Variants in RHBDD1 observed in about 807,000 individuals in gnomAD.
RHBDD1 encodes the protein rhomboid domain containing 1, also known as rhomboid-related protein 4.
A neutral mutation model predicts 36.3 loss-of-function variants in RHBDD1; 38 were observed. That is an observed-to-expected ratio of 1.05 (90% confidence interval 0.81 to 1.37). RHBDD1 has a LOEUF of 1.37. Among genes scored for constraint, RHBDD1 ranks in the 40% most tolerant of loss-of-function variants. The pLI, the probability that RHBDD1 is intolerant of heterozygous loss-of-function variation, is 0.00. For missense variants in RHBDD1, 393 were observed against 377.6 expected (o/e 1.04, Z -0.34); for synonymous variants, 151 against 136.5 (o/e 1.11, Z -0.74).
At chr2:226,968,570 T>C (rs1440919243) in intron 8 of RHBDD1, among the ~76,000 whole-genome samples, 1 of 152,220 alleles carries the variant, frequency 6.6e-6, no homozygotes, top group African/African-American at 2.4e-5. Flanking sequence ...GATTAGTGTT[T>C]AATTGAATAA....
chr2:226,972,402 A>AT (rs1234985093), intron 8 of RHBDD1, among the ~76,000 whole-genome samples: 3 of 152,222 alleles, frequency 2.0e-5, no homozygotes, highest in Non-Finnish European at 4.4e-5. Context: ...AGAGACAGGG[A>AT]TTACCTAAAG....
Position 226,935,843 on chromosome 2 carries a change from A to T in RHBDD1, c.856+21492A>T, listed in dbSNP as rs182370819. On this transcript the variant is annotated intron_variant, in intron 8 of 8. Transcript: ENST00000392062. Reference sequence around the variant, plus strand: ...AGCTATATAAAGCAGATCTAACTTGATAAACACATGTATTAGATGGTAGTA... The same window carrying T: ...AGCTATATAAAGCAGATCTAACTTGTTAAACACATGTATTAGATGGTAGTA... Among the ~76,000 whole-genome samples the T allele has an allele frequency of 6.8e-4, 104 of 152,252 alleles. 1 individual carries two copies. The highest frequency in any genetic ancestry group is 1.1e-3 in the Non-Finnish European group (74 of 68,004).
chr2:226,925,937 G>A (rs1053280109), intron 8 of RHBDD1, among the ~76,000 whole-genome samples: 1 of 152,164 alleles, frequency 6.6e-6, no homozygotes, highest in Non-Finnish European at 1.5e-5. Flanking sequence ...GTGTGTTTGT[G>A]TGTGTGTGTT....
intron 8 of RHBDD1, among the ~76,000 whole-genome samples, chr2:226,945,973 A>G (rs1575196083): frequency 6.6e-6 from 1 of 152,070 alleles, no homozygotes; most frequent in Admixed American, 6.6e-5. Flanking sequence ...TGTCTGTCAT[A>G]ACCTTCGCCC....
At chr2:226,990,290 A>G (rs1374279698) in intron 8 of RHBDD1, among the ~76,000 whole-genome samples, 1 of 152,200 alleles carries the variant, frequency 6.6e-6, no homozygotes, top group African/African-American at 2.4e-5. Context: ...TGGAATGCTA[A>G]TAAAGTAACA....
chr2:226,801,492 C>A, the RHBDD1 span, among the ~76,000 whole-genome samples: 11 of 152,172 alleles, frequency 7.2e-5, no homozygotes, highest in African/African-American at 2.7e-4. Flanking sequence ...TCCTCCCCAC[C>A]CAAGCCTGGG....
chr2:226,935,363 A>T (rs1950271162), intron 8 of RHBDD1: 1 of 152,162 alleles, frequency 6.6e-6, no homozygotes, highest in Non-Finnish European at 1.5e-5. Context: ...CTTTAAGTTA[A>T]AAAGGGGAGA....
At chr2:226,876,845 T>C (rs1945280201) in intron 5 of RHBDD1, among the ~76,000 whole-genome samples, 1 of 152,238 alleles carries the variant, frequency 6.6e-6, no homozygotes, top group Admixed American at 6.5e-5. Context: ...TAAATATCAG[T>C]AAGCACAATA....
chr2:226,883,505 A>AT (rs1197237510), intron 5 of RHBDD1, among the ~76,000 whole-genome samples: 1 of 152,206 alleles, frequency 6.6e-6, no homozygotes, highest in Non-Finnish European at 1.5e-5. Context: ...GGTAGGTAGA[A>AT]ACAAGGAAGC....
intron 3 of RHBDD1, among the ~76,000 whole-genome samples, chr2:226,847,420 G>T (rs1942337934): frequency 6.6e-6 from 1 of 151,098 alleles, no homozygotes; most frequent in Non-Finnish European, 1.5e-5. Flanking sequence ...GAATTACATT[G>T]ACTTAACATT....
chr2:226,891,362 T>C lies in RHBDD1; in HGVS notation c.567-15431T>C, dbSNP rs1444797057. 5.9e-5 allele frequency among the ~76,000 whole-genome samples: 9 copies of C among 152,240 alleles called. No individual in the cohort carries two copies. In the East Asian group the frequency reaches 1.7e-3, roughly 29 times the overall value. ...CTAAGGCAGCTCACAATGTGGTACCTTCCTTCAGCAAAGAAGAGTCTGCTA... is the reference window on the plus strand; with the variant it reads ...CTAAGGCAGCTCACAATGTGGTACCCTCCTTCAGCAAAGAAGAGTCTGCTA... On this transcript the variant is annotated intron_variant, in intron 5 of 8. Transcript: ENST00000392062.
At chr2:226,854,601 GAAAAA>G (rs34985443) in intron 3 of RHBDD1, among the ~76,000 whole-genome samples, 1 of 83,680 alleles carries the variant, frequency 1.2e-5, no homozygotes, top group African/African-American at 4.0e-5. Flanking sequence ...ACTCTGTTTC[GAAAAA>G]AAAAAAAAAA....
chr2:226,806,902 A>C, the RHBDD1 span, among the ~76,000 whole-genome samples: 2 of 152,256 alleles, frequency 1.3e-5, no homozygotes, highest in African/African-American at 4.8e-5. Context: ...CCTTGGATGC[A>C]CCACCAATTG....
chr2:226,819,215 C>T, the RHBDD1 span, among the ~76,000 whole-genome samples: 2 of 152,112 alleles, frequency 1.3e-5, no homozygotes, highest in African/African-American at 4.8e-5. Context: ...TGATGCATTC[C>T]CCTGGGATCC....
At chr2:226,952,274 T>C (rs1951477089) in intron 8 of RHBDD1, among the ~76,000 whole-genome samples, 2 of 149,588 alleles carry the variant, frequency 1.3e-5, no homozygotes, top group South Asian at 4.2e-4. Context: ...TCCTGTTTTT[T>C]TTGTTTTGTT....
intron 8 of RHBDD1, among the ~76,000 whole-genome samples, chr2:226,960,450 T>C (rs1952112200): frequency 6.6e-6 from 1 of 152,216 alleles, no homozygotes; most frequent in African/African-American, 2.4e-5. Context: ...GACCAACATG[T>C]CATTAGGAAC....
intron 5 of RHBDD1, among the ~76,000 whole-genome samples, chr2:226,891,633 A>G (rs938424346): frequency 7.9e-5 from 12 of 152,130 alleles, no homozygotes; most frequent in Non-Finnish European, 1.8e-4. Flanking sequence ...CCTACATCCT[A>G]ATGCTAGCAA....
intron 8 of RHBDD1, among the ~76,000 whole-genome samples, chr2:226,965,880 G>A (rs575332890): frequency 6.1e-4 from 93 of 151,606 alleles, no homozygotes; most frequent in Non-Finnish European, 1.0e-3. Context: ...CAGGAGAACC[G>A]CAATTGCTTG....
chr2:226,833,709 C>T (rs1219710763), upstream of RHBDD1, among the ~76,000 whole-genome samples: 5 of 152,128 alleles, frequency 3.3e-5, no homozygotes, highest in East Asian at 1.9e-4. Flanking sequence ...GTAGTGATTA[C>T]GTATATTTTA....
Sources: allele counts gnomAD v4.1 joint callset (sites outside exome capture counted in the v4.1 genomes callset), GRCh38; gene constraint gnomAD v4.1.1; transcripts MANE v1.5; gene names NCBI Gene and HGNC (gene_info 2026-07-23, HGNC 2026-07-21).